ABCC9: variants seen among roughly 807,000 people sequenced by gnomAD.
The protein encoded by ABCC9 is ATP-binding cassette sub-family C member 9.
Under a neutral mutation model 188.3 loss-of-function variants are expected in ABCC9, and 95 were observed. The observed-to-expected ratio is 0.50, with a 90% confidence interval of 0.43 to 0.60. The LOEUF is 0.60. Among genes scored for constraint, ABCC9 ranks in the 20% least tolerant of loss-of-function variants. The pLI is 0.00. For missense variants in ABCC9, 1,102 were observed against 1,876.3 expected (o/e 0.59, Z 7.62); for synonymous variants, 659 against 652.7 (o/e 1.01, Z -0.15).
intron 38 of ABCC9, 125 bp from the exon 39 acceptor site, chr12:21,806,185 A>G (rs891129393): frequency 1.2e-6 from 1 of 853,274 alleles, no homozygotes; most frequent in Non-Finnish European, 1.9e-6. Flanking sequence ...TTTCTGTGGA[A>G]GTCATAAGAA....
At chr12:21,940,207 G>C (rs1949637868) in intron 2 of ABCC9, among the ~76,000 whole-genome samples, 1 of 152,152 alleles carries the variant, frequency 6.6e-6, no homozygotes, top group Admixed American at 6.5e-5. Flanking sequence ...AGTTTAAAAT[G>C]CTGGAAACAC....
At chr12:21,915,225 A>ATGTATG (rs1555115958) in intron 7 of ABCC9, among the ~76,000 whole-genome samples, 230 of 129,158 alleles carry the variant, frequency 1.8e-3, no homozygotes, top group African/African-American at 6.6e-3. Flanking sequence ...TTATATATAT[A>ATGTATG]TGTGTGTGTG....
rs778709594 is a variant in ABCC9 at position 21,842,486 on chromosome 12, T to A, written c.3316-15A>T. On this transcript the variant is annotated splice_polypyrimidine_tract_variant and intron_variant, in intron 28 of 39. Transcript: ENST00000261200. ...GGAGGGATGTGCTATTAGGGTAGTT[T>A]AAAAGGAAAATATGATTAGCCCAGT... 3 of 1,613,318 alleles carry A rather than the reference T, an allele frequency of 1.9e-6. No homozygotes were observed. The highest frequency in any genetic ancestry group is 1.7e-6 in the Non-Finnish European group (2 of 1,179,338).
intron 30 of ABCC9, chr12:21,831,275 C>G (rs1163618294): frequency 6.6e-6 from 1 of 152,182 alleles, no homozygotes; most frequent in African/African-American, 2.4e-5. Context: ...TGGTCTTGAA[C>G]TCCTGACCTC....
chr12:21,926,989 G>A (rs1434591129), intron 4 of ABCC9, among the ~76,000 whole-genome samples: 1 of 152,164 alleles, frequency 6.6e-6, no homozygotes, highest in African/African-American at 2.4e-5. Context: ...AGAGTGACTA[G>A]TTCAAGATTG....
chr12:21,931,910 G>A (rs1949304120), intron 4 of ABCC9, among the ~76,000 whole-genome samples: 1 of 152,068 alleles, frequency 6.6e-6, no homozygotes, highest in Non-Finnish European at 1.5e-5. Context: ...ATTAAGACAT[G>A]CACATACCTG....
At chr12:21,801,212 A>G in intron 39 of ABCC9, 31 bp from the exon 40 acceptor site, 1 of 1,613,196 alleles carries the variant, frequency 6.2e-7, no homozygotes, top group Non-Finnish European at 8.5e-7. Flanking sequence ...TGTATTTGTT[A>G]CACATTTCAG....
chr12:21,849,218 A>C (rs704181), intron 24 of ABCC9, among the ~76,000 whole-genome samples: 4 of 152,170 alleles, frequency 2.6e-5, no homozygotes, highest in African/African-American at 9.7e-5. Flanking sequence ...GTTACATCAA[A>C]AAACCAATAA....
chr12:21,861,664 C>G (rs1048409960), intron 20 of ABCC9, among the ~76,000 whole-genome samples: 1 of 152,168 alleles, frequency 6.6e-6, no homozygotes, highest in Non-Finnish European at 1.5e-5. Context: ...GAAGAAATGA[C>G]TGACCATTCT....
At chr12:21,900,915 C>A (rs1947712642) in intron 12 of ABCC9, among the ~76,000 whole-genome samples, 1 of 152,292 alleles carries the variant, frequency 6.6e-6, no homozygotes, top group Admixed American at 6.5e-5. Flanking sequence ...CCCAACCTAG[C>A]AAGGCAGGCC....
At chr12:21,801,237 C>T in intron 39 of ABCC9, 56 bp from the exon 40 acceptor site, 1 of 1,604,074 alleles carries the variant, frequency 6.2e-7, no homozygotes, top group African/African-American at 1.3e-5. Context: ...CACGCCAAAA[C>T]AATGGAATAT....
Position 21,885,426 on chromosome 12 carries a change from A to G in ABCC9, c.1911+2400T>C, listed in dbSNP as rs780546030. 6.3e-4 allele frequency among the ~76,000 whole-genome samples: 96 copies of G among 152,170 alleles called. 1 individual carries two copies. The highest frequency in any genetic ancestry group is 1.3e-4 in the Admixed American group (2 of 15,270). ...CTTTTCTCAGTTCAATTTTTCTTCT[A>G]TGCCACATCTCATACAAAAAAATTC... is the stretch of plus-strand genomic sequence containing the variant. On this transcript the variant is annotated intron_variant, in intron 15 of 39. Coordinates refer to ENST00000261200, the MANE Select transcript of ABCC9 (RefSeq NM_020297.4).
At chr12:21,840,055 A>G (rs549519833) in intron 29 of ABCC9, among the ~76,000 whole-genome samples, 3 of 152,364 alleles carry the variant, frequency 2.0e-5, no homozygotes, top group East Asian at 3.9e-4. Context: ...AGCTTTGTTT[A>G]TAAAACTGTG....
intron 12 of ABCC9, among the ~76,000 whole-genome samples, chr12:21,902,314 T>C (rs1947801455): frequency 6.6e-6 from 1 of 151,986 alleles, no homozygotes; most frequent in Admixed American, 6.6e-5. Context: ...AGAGGGAAAT[T>C]TATAGCACTA....
rs763289280 is a variant in ABCC9 at position 21,872,721 on chromosome 12, G to T, written c.2102C>A (p.Thr701Asn). 2 of 1,612,944 alleles carry T rather than the reference G, an allele frequency of 1.2e-6. No individual in the cohort carries two copies. Among genetic ancestry groups the T allele is most frequent in the African/African-American group, 1.3e-5 (1 of 74,872 alleles). ...IDIRIPTGQL[T>N]MIVGQVGCGK... ...ACATCCTACTTGGCCCACAATCATG[G>T]TTAACTGACCTAGGAAAGCAAAACA... The change falls in exon 18 of 40, where the codon ACC (threonine) becomes AAC (asparagine). Residue 701 changes from threonine to asparagine, a missense_variant. Transcript: ENST00000261200.
intron 37 of ABCC9, among the ~76,000 whole-genome samples, chr12:21,809,435 G>C (rs113063635): frequency 0.019 from 2,956 of 152,128 alleles, 91 homozygotes; most frequent in African/African-American, 0.067. Flanking sequence ...GCTACTAATG[G>C]GGCAAAATTG....
Position 21,798,680 on chromosome 12 carries a change from T to G in ABCC9, c.*2364A>C, listed in dbSNP as rs2137070751. ...CTCTTTAGTTTAACCATTGTGGAAG[T>G]CAGTGTGGCGATTCCTCAGGGATCT... On this transcript the variant is annotated 3_prime_UTR_variant, in exon 40 of 40. Coordinates refer to ENST00000261200, the MANE Select transcript of ABCC9 (RefSeq NM_020297.4). The G allele has an allele frequency of 6.6e-6, 1 of 152,210 alleles. No homozygotes were observed. Among genetic ancestry groups the G allele is most frequent in the East Asian group, 1.9e-4 (1 of 5,160 alleles). The allele number at this position is 152,210 out of a possible 1,614,324, so 9.4% of individuals were successfully genotyped here.
rs139408145 is a variant in ABCC9 at position 21,852,380 on chromosome 12, C to A, written c.2631G>T (p.Thr877=). 1 of 1,613,838 alleles carries A rather than the reference C, an allele frequency of 6.2e-7. No homozygotes were observed. Among genetic ancestry groups the A allele is most frequent in the African/African-American group, 1.3e-5 (1 of 74,994 alleles). ...TCTAAACTCTTACCCAGTCAGCATG[C>A]GTCAGATACTGTAATTTGTGAGTCA... ...VLVTHKLQYL[T]HADWIIAMKD... Residue 877 remains threonine, a synonymous_variant, in exon 23 of 40, where the codon ACG becomes ACT. Transcript: ENST00000261200.
At chr12:21,812,538 T>C (rs1160968900) in intron 35 of ABCC9, among the ~76,000 whole-genome samples, 3 of 152,194 alleles carry the variant, frequency 2.0e-5, no homozygotes, top group Admixed American at 1.3e-4. Flanking sequence ...GATGAGCTAA[T>C]GTCCTTTGCA....
Sources: allele counts gnomAD v4.1 joint callset (sites outside exome capture counted in the v4.1 genomes callset), GRCh38; gene constraint gnomAD v4.1.1; transcripts MANE v1.5; gene names NCBI Gene and HGNC (gene_info 2026-07-23, HGNC 2026-07-21).